The following COMT variants were observed in gnomAD, a reference collection of about 807,000 sequenced individuals.
The protein encoded by COMT is catechol-O-methyltransferase, also known as catechol O-methyltransferase.
Under a neutral mutation model 18.9 loss-of-function variants are expected in COMT, and 13 were observed. That is an observed-to-expected ratio of 0.69 (90% CI 0.45 to 1.09). The LOEUF is 1.09. Among genes scored for constraint, COMT ranks in the 50% least tolerant of loss-of-function variants. The pLI, the probability that COMT is intolerant of heterozygous loss-of-function variation, is 0.00. For synonymous variants in COMT, 150 were observed against 160.9 expected (o/e 0.93, Z 0.51); for missense variants, 329 against 361.8 (o/e 0.91, Z 0.73).
At chr22:19,964,655 C>T (rs1942295082) in intron 5 of COMT, 1 of 586,968 alleles carries the variant, frequency 1.7e-6, no homozygotes, top group Non-Finnish European at 3.0e-6. Context: ...GCTCTGGGCC[C>T]AGCCTGCTCT....
At chr22:19,967,003 A>G (rs916681255) in intron 5 of COMT, 1 of 985,314 alleles carries the variant, frequency 1.0e-6, no homozygotes, top group Admixed American at 6.1e-5. Flanking sequence ...TGGTCTGAGT[A>G]GCTGGTAGGA....
At position 19,969,793 on chromosome 22, in the gene COMT, C is replaced by G. The variant is rs1601553022; in HGVS notation, c.*1057C>G. On this transcript the variant is annotated 3_prime_UTR_variant, in exon 6 of 6. Transcript: ENST00000361682. ...TCTGCAGGACACAGCAGATGGGCAC[C>G]TGGGACCACCTCCACCCAGGGCCCT... 6 of 975,240 alleles carry G rather than the reference C, an allele frequency of 6.2e-6. No individual in the cohort carries two copies. Among genetic ancestry groups the G allele is most frequent in the South Asian group, 9.5e-5 (2 of 21,070 alleles). 60.4% of individuals were successfully genotyped at this position (975,240 alleles called of 1,614,324 possible).
At chr22:19,942,081 T>G in intron 1 of COMT, 184 bp downstream of exon 1, 5 of 343,486 alleles carry the variant, frequency 1.5e-5, no homozygotes, top group East Asian at 1.1e-4. Flanking sequence ...ATTCGGACCT[T>G]GGGTGGGGAT....
intron 1 of COMT, among the ~76,000 whole-genome samples, chr22:19,942,821 A>C (rs887349731): frequency 2.0e-5 from 3 of 152,206 alleles, no homozygotes; most frequent in Non-Finnish European, 4.4e-5. Flanking sequence ...GTGGGGACTC[A>C]GTAGAGTTAG....
intron 1 of COMT, among the ~76,000 whole-genome samples, chr22:19,944,393 A>G (rs1438869672): frequency 1.3e-5 from 2 of 152,150 alleles, no homozygotes; most frequent in African/African-American, 4.8e-5. Context: ...CTAAAAATAC[A>G]AAACATTAGC....
intron 5 of COMT, chr22:19,964,572 T>C: frequency 3.2e-6 from 2 of 625,418 alleles, no homozygotes; most frequent in Non-Finnish European, 5.7e-6. Context: ...GTGGCAGAAG[T>C]GGGGTGCACA....
At chr22:19,950,935 C>T (rs974951561) in intron 1 of COMT, 2 of 152,214 alleles carry the variant, frequency 1.3e-5, no homozygotes, top group African/African-American at 4.8e-5. Flanking sequence ...TCCAGTAAGA[C>T]GCTCCCACGG....
chr22:19,963,684 C>T lies in COMT; in HGVS notation c.408C>T (p.Leu136=), dbSNP rs4818. 6.2e-7 allele frequency: 1 copy of T among 1,612,598 alleles called. No individual in the cohort carries two copies. Among genetic ancestry groups the T allele is most frequent in the Non-Finnish European group, 8.5e-7 (1 of 1,179,872 alleles). ...GCCTGCTGTCACCAGGGGCGAGGCT[C>T]ATCACCATCGAGATCAACCCCGACT... ...MARLLSPGAR[L]ITIEINPDCA... Residue 136 remains leucine, a synonymous_variant, in exon 4 of 6, where the codon CTC becomes CTT. Coordinates refer to ENST00000361682, the MANE Select transcript of COMT (RefSeq NM_000754.4).
intron 1 of COMT, among the ~76,000 whole-genome samples, chr22:19,956,918 T>C (rs1276198672): frequency 6.6e-6 from 1 of 151,894 alleles, no homozygotes; most frequent in Non-Finnish European, 1.5e-5. Flanking sequence ...ATTTCACTGA[T>C]GTTACTTGCA....
intron 5 of COMT, among the ~76,000 whole-genome samples, chr22:19,966,196 C>G (rs1334476057): frequency 1.3e-5 from 2 of 152,200 alleles, no homozygotes; most frequent in Non-Finnish European, 2.9e-5. Flanking sequence ...AAACGCACAT[C>G]TGCACACTCA....
chr22:19,941,820 G>T lies in COMT; in HGVS notation c.-169G>T. 1.3e-6 allele frequency: 2 copies of T among 1,515,732 alleles called. No homozygotes were observed. Among genetic ancestry groups the T allele is most frequent in the East Asian group, 2.7e-5 (1 of 36,734 alleles). The allele number at this position is 1,515,732 out of a possible 1,614,324, so 93.9% of individuals were successfully genotyped here. The stretch of plus-strand genomic sequence containing the variant: ...TGCCGCCATCGTCGTGGGGCTTCTG[G>T]GGCAGCTAGGGCTGCCCGCCGCGCT... On this transcript the variant is annotated 5_prime_UTR_variant, in exon 1 of 6. Transcript: ENST00000361682.
chr22:19,952,190 C>G (rs748057296), intron 1 of COMT, among the ~76,000 whole-genome samples: 2 of 152,190 alleles, frequency 1.3e-5, no homozygotes, highest in Non-Finnish European at 2.9e-5. Context: ...CTGTGTAGTC[C>G]CAGTTACTCA....
At chr22:19,956,835 C>G (rs374685653) in intron 1 of COMT, among the ~76,000 whole-genome samples, 1 of 152,208 alleles carries the variant, frequency 6.6e-6, no homozygotes, top group Non-Finnish European at 1.5e-5. Context: ...CTCAGCCTCC[C>G]AAAGTATTGG....
chr22:19,948,084 G>T (rs174682), intron 1 of COMT, among the ~76,000 whole-genome samples: 57,817 of 151,990 alleles, frequency 0.38, 11,516 homozygotes, highest in Non-Finnish European at 0.44. Flanking sequence ...GGAATAAAGA[G>T]TAATTGCTAC....
In COMT at chr22:19,962,614, G is replaced by A. The variant is rs139227383; in HGVS notation, c.88G>A (p.Gly30Ser). The A allele has an allele frequency of 1.9e-6, 3 of 1,600,368 alleles. No homozygotes were observed. Among genetic ancestry groups the A allele is most frequent in the Non-Finnish European group, 2.6e-6 (3 of 1,173,760 alleles). ...VVLLLLLRHW[G>S]WGLCLIGWNE... ...GCTGCTGCTGCTTCTGAGGCACTGGGGCTGGGGCCTGTGCCTTATCGGCTG... is the reference window on the plus strand; with the variant it reads ...GCTGCTGCTGCTTCTGAGGCACTGGAGCTGGGGCCTGTGCCTTATCGGCTG... The change falls in exon 3 of 6, where the codon GGC (glycine) becomes AGC (serine). Residue 30 changes from glycine (G) to serine (S), a missense_variant. Gly to Ser is a moderately conservative substitution (Grantham distance 56). Transcript: ENST00000361682.
intron 1 of COMT, among the ~76,000 whole-genome samples, chr22:19,943,051 C>A (rs1262841764): frequency 2.0e-5 from 3 of 152,172 alleles, no homozygotes; most frequent in African/African-American, 7.2e-5. Flanking sequence ...TAGGATCGTT[C>A]TGGGAATGTG....
chr22:19,967,393 ATT>A (rs61143203), intron 5 of COMT: 232 of 433,122 alleles, frequency 5.4e-4, no homozygotes, highest in Admixed American at 3.5e-3. Context: ...TTGCTAGGAC[ATT>A]TTTTTTTTTT....
intron 1 of COMT, among the ~76,000 whole-genome samples, chr22:19,960,240 A>G (rs1350625743): frequency 6.6e-6 from 1 of 152,266 alleles, no homozygotes. Flanking sequence ...TTTGGGGTAT[A>G]TATTTCTAAC....
intron 1 of COMT, among the ~76,000 whole-genome samples, chr22:19,943,888 A>T (rs1941792008): frequency 8.7e-6 from 1 of 114,740 alleles, no homozygotes; most frequent in Non-Finnish European, 1.8e-5. Context: ...AGCATGTGGC[A>T]TGCAGGAGCT....
Sources: gnomAD v4.1 joint callset for allele counts (sites outside exome capture counted in the v4.1 genomes callset) on GRCh38, gnomAD v4.1.1 for gene constraint, MANE v1.5 for transcripts, NCBI Gene and HGNC (gene_info 2026-07-23, HGNC 2026-07-21) for gene names.